Variants in OSBPL1A observed in about 807,000 individuals in gnomAD.
OSBPL1A encodes oxysterol-binding protein-related protein 1.
OSBPL1A carries 80 observed loss-of-function variants against 137.1 expected under a neutral mutation model. The observed-to-expected ratio is 0.58, with a 90% CI of 0.49 to 0.70. The LOEUF (loss-of-function observed/expected upper bound fraction) is 0.70, where lower values mean the gene tolerates loss of function less well. Among genes scored for constraint, OSBPL1A ranks in the 30% least tolerant of loss-of-function variants. The pLI is 0.00. For synonymous variants in OSBPL1A, 365 were observed against 389.7 expected (o/e 0.94, Z 0.75); for missense variants, 970 against 1,129.4 (o/e 0.86, Z 2.02).
intron 4 of OSBPL1A, 156 bp downstream of exon 4, chr18:24,366,735 CA>C: frequency 1.8e-6 from 1 of 569,446 alleles, no homozygotes. Context: ...CTGTCAGACT[CA>C]AAGATCCTGT....
At chr18:24,305,849 C>G (rs879767171) in intron 13 of OSBPL1A, among the ~76,000 whole-genome samples, 6 of 152,150 alleles carry the variant, frequency 3.9e-5, no homozygotes, top group Non-Finnish European at 7.3e-5. Flanking sequence ...GGGAGTTCCC[C>G]TGCAAAAGCT....
At position 24,392,354 on chromosome 18, in the gene OSBPL1A, T is replaced by C. The variant is rs1347755959; in HGVS notation, c.-3+5301A>G. Among the ~76,000 whole-genome samples the C allele has an allele frequency of 2.0e-5, 3 of 151,706 alleles. No individual in the cohort carries two copies. The East Asian group carries it at 5.8e-4, about 29-fold the overall frequency. On this transcript the variant is annotated intron_variant, in intron 1 of 27. Coordinates refer to ENST00000319481, the MANE Select transcript of OSBPL1A (RefSeq NM_080597.4). Reference sequence around the variant, plus strand: ...TTATATTTTTAGTAGAGATGGGGTTTCTCCATGTTGGTCAGGCTGGTCTCA... The same window carrying C: ...TTATATTTTTAGTAGAGATGGGGTTCCTCCATGTTGGTCAGGCTGGTCTCA...
chr18:24,358,119 G>T (rs1383909075), intron 4 of OSBPL1A: 7 of 308,560 alleles, frequency 2.3e-5, no homozygotes, highest in Non-Finnish European at 3.6e-5. Context: ...TTTAGCATAC[G>T]ATGAGAAACT....
intron 11 of OSBPL1A, among the ~76,000 whole-genome samples, chr18:24,315,631 AT>A (rs2090707405): frequency 9.8e-6 from 1 of 102,350 alleles, no homozygotes; most frequent in African/African-American, 3.8e-5. Flanking sequence ...AATTAATTAT[AT>A]ATATTATATA....
In OSBPL1A at chr18:24,217,382, C is replaced by T. The variant is rs182706660; in HGVS notation, c.1601+7660G>A. On this transcript the variant is annotated intron_variant, in intron 17 of 27. Transcript: ENST00000319481. Reference sequence around the variant, plus strand: ...AAGCGATTCTCCTGCCTCAGTCTCCCGTGTAGTTGAGATTACAGGCACCCG... The same window carrying T: ...AAGCGATTCTCCTGCCTCAGTCTCCTGTGTAGTTGAGATTACAGGCACCCG... 3.6e-3 allele frequency among the ~76,000 whole-genome samples: 542 copies of T among 151,808 alleles called. 4 individuals are homozygous for T. Among genetic ancestry groups the T allele is most frequent in the African/African-American group, 0.012 (517 of 41,382 alleles).
At chr18:24,334,401 G>GA in intron 5 of OSBPL1A, 71 bp from the exon 6 acceptor site, 1 of 1,290,214 alleles carries the variant, frequency 7.8e-7, no homozygotes, top group Non-Finnish European at 1.1e-6. Context: ...AAAGAATAAA[G>GA]TGATCATGAT....
intron 1 of OSBPL1A, among the ~76,000 whole-genome samples, chr18:24,388,591 G>A (rs1269985963): frequency 6.6e-6 from 1 of 152,036 alleles, no homozygotes; most frequent in Admixed American, 6.6e-5. Flanking sequence ...CCTGAGGTCA[G>A]GAGTTCGAGA....
At chr18:24,290,053 C>A (rs926431281) in intron 14 of OSBPL1A, among the ~76,000 whole-genome samples, 1 of 151,596 alleles carries the variant, frequency 6.6e-6, no homozygotes, top group Non-Finnish European at 1.5e-5. Flanking sequence ...ATACACAGGA[C>A]AATGTACAAA....
intron 17 of OSBPL1A, among the ~76,000 whole-genome samples, chr18:24,213,792 G>A (rs529016145): frequency 6.6e-6 from 1 of 152,222 alleles, no homozygotes; most frequent in Admixed American, 6.5e-5. Context: ...AGTTAAAATT[G>A]TATGTACACA....
chr18:24,319,151 C>T (rs749101756), intron 7 of OSBPL1A, among the ~76,000 whole-genome samples: 40 of 152,180 alleles, frequency 2.6e-4, no homozygotes, highest in Non-Finnish European at 4.3e-4. Context: ...GACAGAGCTG[C>T]ATTCCTTCTG....
In OSBPL1A at chr18:24,318,752, T is replaced by C. The variant is rs767226949; in HGVS notation, c.683A>G (p.Asn228Ser). ...ATTTAATTCATTACTCTGTACCTTA[T>C]TACCAACAAGAATGTGTTTCATTTC... is the stretch of plus-strand genomic sequence containing the variant. ...GAEMKHILVG[N>S]KVIYKALKRY... is the part of the protein sequence containing the mutation. The change falls in exon 8 of 28, where the codon AAT (asparagine) becomes AGT (serine). Residue 228 changes from asparagine (N) to serine (S), a missense_variant. By Grantham distance (46) the Asn-to-Ser change is conservative. Around this residue, in one of 2 missense-constraint regions of OSBPL1A, gnomAD observed 647 missense variants for 672.6 expected, o/e 0.96. Coordinates refer to ENST00000319481, the MANE Select transcript of OSBPL1A (RefSeq NM_080597.4). The C allele has an allele frequency of 1.2e-6, 2 of 1,612,670 alleles. No homozygotes were observed. Among genetic ancestry groups the C allele is most frequent in the South Asian group, 2.2e-5 (2 of 90,986 alleles).
At chr18:24,354,606 G>C (rs576579037) in intron 4 of OSBPL1A, among the ~76,000 whole-genome samples, 1 of 151,890 alleles carries the variant, frequency 6.6e-6, no homozygotes, top group African/African-American at 2.4e-5. Flanking sequence ...ACTGAGGAAC[G>C]TTCAGTAAAC....
chr18:24,386,819 C>T (rs1335593602), intron 1 of OSBPL1A, among the ~76,000 whole-genome samples: 1 of 151,900 alleles, frequency 6.6e-6, no homozygotes, highest in Non-Finnish European at 1.5e-5. Flanking sequence ...ATTAGCTGGG[C>T]GTGGTGGCAT....
At chr18:24,266,226 G>A (rs2089568541) in intron 15 of OSBPL1A, among the ~76,000 whole-genome samples, 1 of 152,106 alleles carries the variant, frequency 6.6e-6, no homozygotes, top group Admixed American at 6.6e-5. Flanking sequence ...TTCCTCCCTG[G>A]CTTTCCCCAC....
At chr18:24,367,246 A>ATG (rs2091716197) in intron 3 of OSBPL1A, among the ~76,000 whole-genome samples, 1 of 151,550 alleles carries the variant, frequency 6.6e-6, no homozygotes, top group African/African-American at 2.4e-5. Flanking sequence ...ATATATATAT[A>ATG]TGTACACATA....
chr18:24,368,400 T>C, intron 2 of OSBPL1A, 28 bp from the exon 3 acceptor site: 1 of 1,533,264 alleles, frequency 6.5e-7, no homozygotes, highest in Non-Finnish European at 9.0e-7. Context: ...TAAGGTATTT[T>C]TAGGTCATAT....
At chr18:24,230,514 A>C (rs1289620795) in intron 16 of OSBPL1A, among the ~76,000 whole-genome samples, 1 of 152,214 alleles carries the variant, frequency 6.6e-6, no homozygotes, top group Non-Finnish European at 1.5e-5. Flanking sequence ...ATCATGTTGG[A>C]TGCATGGACT....
At chr18:24,364,985 C>A (rs1221180726) in intron 4 of OSBPL1A, 4 of 145,904 alleles carry the variant, frequency 2.7e-5, no homozygotes, top group African/African-American at 1.0e-4. Context: ...TGCCCTGCAG[C>A]CTGGGTGAAA....
chr18:24,309,194 T>A (rs2090567301), intron 13 of OSBPL1A, among the ~76,000 whole-genome samples: 1 of 152,270 alleles, frequency 6.6e-6, no homozygotes, highest in South Asian at 2.1e-4. Flanking sequence ...CATGCTTGAT[T>A]AATTTCTAAT....
Sources: allele counts gnomAD v4.1 joint callset (sites outside exome capture counted in the v4.1 genomes callset), GRCh38; gene constraint gnomAD v4.1.1; regional missense constraint gnomAD v4.1.1; transcripts MANE v1.5; gene names NCBI Gene and HGNC (gene_info 2026-07-23, HGNC 2026-07-21).